The following DLG2 variants were observed in gnomAD, a reference collection of about 807,000 sequenced individuals.
The protein encoded by DLG2 is disks large homolog 2.
DLG2 carries 45 observed loss-of-function variants against 132.5 expected under a neutral mutation model. The ratio of observed to expected loss-of-function variants is 0.34; its 90% CI spans 0.27 to 0.44. The LOEUF (loss-of-function observed/expected upper bound fraction) is 0.44, where lower values mean the gene tolerates loss of function less well. DLG2 is among the 20% of genes least tolerant of loss of function. The pLI, the probability that DLG2 is intolerant of heterozygous loss-of-function variation, is 1.00. For synonymous variants in DLG2, 424 were observed against 419.6 expected, an observed-to-expected ratio of 1.01 and a Z score of -0.13; for missense variants, 1,045 against 1,196.9, an observed-to-expected ratio of 0.87 and a Z score of 1.87.
At chr11:83,832,704 C>T (rs80100935) in intron 17 of DLG2, among the ~76,000 whole-genome samples, 4,919 of 152,030 alleles carry the variant, frequency 0.032, 99 homozygotes, top group Middle Eastern at 0.051. Context: ...CTCAGCATCA[C>T]GTGATATACC....
At chr11:85,186,924 T>C (rs2080148127) in intron 4 of DLG2, among the ~76,000 whole-genome samples, 2 of 152,126 alleles carry the variant, frequency 1.3e-5, no homozygotes, top group African/African-American at 4.8e-5. Flanking sequence ...TAAATCAAAA[T>C]CAGCCCATAT....
intron 12 of DLG2, among the ~76,000 whole-genome samples, chr11:83,966,737 A>AT (rs759361195): frequency 3.3e-5 from 5 of 152,036 alleles, no homozygotes; most frequent in South Asian, 2.1e-4. Flanking sequence ...CATAGTTATA[A>AT]TTTTTTGTGA....
intron 6 of DLG2, among the ~76,000 whole-genome samples, chr11:85,038,115 A>G (rs1361062299): frequency 6.6e-6 from 1 of 152,144 alleles, no homozygotes; most frequent in Non-Finnish European, 1.5e-5. Flanking sequence ...ACTCAAGGAC[A>G]TGAATGGTTC....
At chr11:84,354,027 G>A (rs1226699918) in intron 7 of DLG2, among the ~76,000 whole-genome samples, 1 of 152,136 alleles carries the variant, frequency 6.6e-6, no homozygotes, top group Non-Finnish European at 1.5e-5. Flanking sequence ...GGAGGACAGA[G>A]GGTGTGCCTG....
At chr11:83,470,371 G>C (rs1435156794) in intron 24 of DLG2, among the ~76,000 whole-genome samples, 1 of 152,022 alleles carries the variant, frequency 6.6e-6, no homozygotes, top group East Asian at 1.9e-4. Context: ...TGTTATCTCT[G>C]GGTATTGTGT....
intron 3 of DLG2, among the ~76,000 whole-genome samples, chr11:85,594,981 G>A (rs1478764381): frequency 3.4e-5 from 5 of 148,108 alleles, no homozygotes; most frequent in Admixed American, 6.9e-5. Flanking sequence ...CAGGAGAATC[G>A]CTTGAACCAG....
chr11:85,241,943 A>G (rs1328260260), intron 4 of DLG2, among the ~76,000 whole-genome samples: 1 of 152,022 alleles, frequency 6.6e-6, no homozygotes, highest in Admixed American at 6.6e-5. Flanking sequence ...CATAAATTAT[A>G]GGTTTGTTTA....
chr11:85,187,653 G>A (rs982486605), intron 4 of DLG2, among the ~76,000 whole-genome samples: 18 of 152,088 alleles, frequency 1.2e-4, no homozygotes, highest in African/African-American at 4.3e-4. Context: ...TAGTGTCAGC[G>A]TTGACTGGGC....
chr11:83,933,329 A>G (rs1023794747), intron 14 of DLG2, among the ~76,000 whole-genome samples: 1 of 152,240 alleles, frequency 6.6e-6, no homozygotes, highest in Non-Finnish European at 1.5e-5. Flanking sequence ...CAAGAGGCCT[A>G]TCTGTGGATG....
chr11:84,756,628 A>AG (rs2066914440), intron 6 of DLG2, among the ~76,000 whole-genome samples: 1 of 151,780 alleles, frequency 6.6e-6, no homozygotes, highest in East Asian at 1.9e-4. Context: ...TCTAGTATAC[A>AG]CAAAGTGGAT....
intron 14 of DLG2, among the ~76,000 whole-genome samples, chr11:83,931,307 TA>T (rs1382964214): frequency 6.6e-6 from 1 of 152,236 alleles, no homozygotes; most frequent in Non-Finnish European, 1.5e-5. Flanking sequence ...GTAGCTGATC[TA>T]AACTGCCAGC....
intron 6 of DLG2, among the ~76,000 whole-genome samples, chr11:84,783,608 A>G (rs1184557282): frequency 6.6e-6 from 1 of 152,142 alleles, no homozygotes; most frequent in Admixed American, 6.5e-5. Flanking sequence ...CTGATATAAC[A>G]CTATAGCTTT....
chr11:83,632,582 C>T (rs2063753819), intron 19 of DLG2: 1 of 152,158 alleles, frequency 6.6e-6, no homozygotes, highest in African/African-American at 2.4e-5. Context: ...CAAGAGGTAG[C>T]TACTAGGATG....
At chr11:85,585,729 T>C (rs2078924061) in intron 3 of DLG2, among the ~76,000 whole-genome samples, 1 of 151,898 alleles carries the variant, frequency 6.6e-6, no homozygotes, top group African/African-American at 2.4e-5. Flanking sequence ...TTTTTTTTTT[T>C]CTAAGATGGA....
intron 10 of DLG2, among the ~76,000 whole-genome samples, chr11:84,068,147 G>T (rs1344638313): frequency 6.6e-6 from 1 of 152,208 alleles, no homozygotes; most frequent in Non-Finnish European, 1.5e-5. Context: ...TCTCCAAAAA[G>T]ATGGGGAATA....
chr11:85,425,043 AAC>A (rs1293653943), intron 3 of DLG2, among the ~76,000 whole-genome samples: 2 of 25,620 alleles, frequency 7.8e-5, no homozygotes, highest in Non-Finnish European at 2.9e-4. Flanking sequence ...CAAACAAAAA[AAC>A]AAACCCACCA....
chr11:84,008,742 C>T (rs1178466887), intron 11 of DLG2, among the ~76,000 whole-genome samples: 1 of 151,716 alleles, frequency 6.6e-6, no homozygotes, highest in Non-Finnish European at 1.5e-5. Flanking sequence ...AAAACAAGAT[C>T]TAAAACAAAT....
rs532641638 is a variant in DLG2, at chr11:85,586,308, A to T, written c.40+12349T>A. Among the ~76,000 whole-genome samples, 460 of 152,322 alleles carry T rather than the reference A, an allele frequency of 3.0e-3. 2 individuals carry two copies. The highest frequency in any genetic ancestry group is 0.011 in the African/African-American group (440 of 41,568). The stretch of plus-strand genomic sequence containing the variant: ...GGTACCAATTCTTTGAATGTCTGAT[A>T]GAATTCAGCTGTGAGGCCATCTGGT... On this transcript the variant is annotated intron_variant, in intron 3 of 27. Transcript: ENST00000376104.
rs1289890166 is a variant in DLG2, at chr11:85,548,463, G to A, written c.40+50194C>T. ...GGTGTCTCCCAGTCAGGATACACGG[G>A]GGTCAGGGACCCACTTGAGGAGGCA... On this transcript the variant is annotated intron_variant, in intron 3 of 27. Transcript: ENST00000376104. Among the ~76,000 whole-genome samples the A allele has an allele frequency of 2.0e-5, 3 of 152,188 alleles. 1 individual carries two copies. Among genetic ancestry groups the A allele is most frequent in the Admixed American group, 2.0e-4 (3 of 15,286 alleles).
Sources: allele counts gnomAD v4.1 joint callset (sites outside exome capture counted in the v4.1 genomes callset), GRCh38; gene constraint gnomAD v4.1.1; transcripts MANE v1.5; gene names NCBI Gene and HGNC (gene_info 2026-07-23, HGNC 2026-07-21).